PIGL: variants seen among roughly 807,000 people sequenced by gnomAD.
The protein encoded by PIGL is N-acetylglucosaminyl-phosphatidylinositol de-N-acetylase.
In PIGL, 22 loss-of-function variants were observed where a neutral mutation model predicts 31.1. The ratio of observed to expected loss-of-function variants is 0.71; its 90% CI spans 0.51 to 1.01. The LOEUF is 1.01. Among genes scored for constraint, PIGL ranks in the 50% least tolerant of loss-of-function variants. The pLI, the probability that PIGL is intolerant of heterozygous loss-of-function variation, is 0.00. For synonymous variants in PIGL, 131 were observed against 117.4 expected, an observed-to-expected ratio of 1.12 and a Z score of -0.75; for missense variants, 302 against 315.9, an observed-to-expected ratio of 0.96 and a Z score of 0.33.
At chr17:16,300,878 A>G (rs1467913585) in intron 3 of PIGL, among the ~76,000 whole-genome samples, 1 of 152,166 alleles carries the variant, frequency 6.6e-6, no homozygotes, top group Non-Finnish European at 1.5e-5. Context: ...GAGCAATAGC[A>G]GAGATTTGTA....
At chr17:16,241,564 T>A (rs2092723445) in intron 2 of PIGL, among the ~76,000 whole-genome samples, 1 of 151,458 alleles carries the variant, frequency 6.6e-6, no homozygotes, top group East Asian at 1.9e-4. Flanking sequence ...TGAAACTCTG[T>A]CTTAAAAAAA....
At chr17:16,234,528 C>T (rs2092691828) in intron 2 of PIGL, among the ~76,000 whole-genome samples, 1 of 152,174 alleles carries the variant, frequency 6.6e-6, no homozygotes, top group African/African-American at 2.4e-5. Context: ...CTTTGGGAGG[C>T]CGAGGTGGGC....
chr17:16,252,975 T>C (rs2092779012), intron 2 of PIGL, among the ~76,000 whole-genome samples: 1 of 152,158 alleles, frequency 6.6e-6, no homozygotes, highest in African/African-American at 2.4e-5. Context: ...CCCAGCACTT[T>C]GGGAGGCCGA....
intron 3 of PIGL, 26 bp from the exon 4 acceptor site, chr17:16,313,521 A>C: frequency 2.5e-6 from 4 of 1,575,270 alleles, no homozygotes; most frequent in Non-Finnish European, 3.5e-6. Context: ...GAAGGCATTC[A>C]GTGAAAACCC....
At chr17:16,231,848 CTT>C (rs1269553373) in intron 1 of PIGL, among the ~76,000 whole-genome samples, 1 of 152,084 alleles carries the variant, frequency 6.6e-6, no homozygotes, top group African/African-American at 2.4e-5. Flanking sequence ...GTCTCAAACT[CTT>C]TGGTCACATT....
At chr17:16,291,937 G>A in intron 2 of PIGL, among the ~76,000 whole-genome samples, 1 of 151,692 alleles carries the variant, frequency 6.6e-6, no homozygotes, top group Non-Finnish European at 1.5e-5. Context: ...AGACTAGCCT[G>A]GGCAACATAG....
chr17:16,304,641 G>C (rs2093019163), intron 3 of PIGL, among the ~76,000 whole-genome samples: 1 of 152,102 alleles, frequency 6.6e-6, no homozygotes, highest in Non-Finnish European at 1.5e-5. Flanking sequence ...AAAGTACAAA[G>C]CTACCATCCT....
At chr17:16,233,856 C>A in intron 1 of PIGL, 115 bp from the exon 2 acceptor site, 1 of 592,966 alleles carries the variant, frequency 1.7e-6, no homozygotes, top group South Asian at 2.2e-5. Context: ...CATAATCACA[C>A]ATTTTCAGGC....
chr17:16,241,840 T>C (rs1393299973), intron 2 of PIGL, among the ~76,000 whole-genome samples: 1 of 152,192 alleles, frequency 6.6e-6, no homozygotes, highest in African/African-American at 2.4e-5. Flanking sequence ...TTCTATGTCA[T>C]TAAATAATCA....
chr17:16,293,748 T>C (rs973071912), intron 2 of PIGL, among the ~76,000 whole-genome samples: 6 of 152,240 alleles, frequency 3.9e-5, no homozygotes, highest in African/African-American at 1.4e-4. Context: ...AGTTGTACCA[T>C]GTACCACCTA....
chr17:16,290,603 T>C (rs994694783), intron 2 of PIGL, among the ~76,000 whole-genome samples: 1 of 152,130 alleles, frequency 6.6e-6, no homozygotes, highest in Non-Finnish European at 1.5e-5. Context: ...CAGAATGGTC[T>C]TGAAGCCCTG....
chr17:16,280,563 T>C (rs373908280), intron 2 of PIGL, among the ~76,000 whole-genome samples: 1 of 152,232 alleles, frequency 6.6e-6, no homozygotes, highest in Non-Finnish European at 1.5e-5. Flanking sequence ...GCCCCACGCA[T>C]GCACAGCCTC....
At chr17:16,265,735 C>T (rs774109293) in intron 2 of PIGL, among the ~76,000 whole-genome samples, 5 of 148,814 alleles carry the variant, frequency 3.4e-5, no homozygotes, top group South Asian at 2.1e-4. Context: ...AGCGAGACTC[C>T]GTATTAAAAA....
At chr17:16,297,267 C>T (rs752019266) in intron 2 of PIGL, among the ~76,000 whole-genome samples, 5 of 152,284 alleles carry the variant, frequency 3.3e-5, no homozygotes, top group African/African-American at 1.2e-4. Context: ...GTGGAGCCAC[C>T]GAAAGAAAGG....
chr17:16,310,451 A>G (rs2093044343), intron 3 of PIGL, among the ~76,000 whole-genome samples: 1 of 152,264 alleles, frequency 6.6e-6, no homozygotes, highest in African/African-American at 2.4e-5. Context: ...TCCCTCACAG[A>G]TGAGCTCTCC....
intron 2 of PIGL, among the ~76,000 whole-genome samples, chr17:16,244,770 G>A (rs1048004464): frequency 1.1e-4 from 17 of 151,880 alleles, no homozygotes; most frequent in Non-Finnish European, 2.5e-4. Context: ...CACCTCCCGG[G>A]CTCAAGTGAC....
At chr17:16,288,420 T>A (rs1312821169) in intron 2 of PIGL, among the ~76,000 whole-genome samples, 1 of 152,230 alleles carries the variant, frequency 6.6e-6, no homozygotes, top group Non-Finnish European at 1.5e-5. Context: ...TTGGCCAGAC[T>A]GGTCTTGAAC....
Position 16,319,020 on chromosome 17 carries a change from G to A in PIGL, c.660+1112G>A, listed in dbSNP as rs1373109548. Among the ~76,000 whole-genome samples the A allele has an allele frequency of 7.9e-5, 12 of 151,172 alleles. No homozygotes were observed. In the East Asian group the frequency reaches 9.8e-4, roughly 12 times the overall value. ...TGTAATCCCAGTACTTTGGGAGGCCGGGGTGGGTGGACTGCTTGCTGGGCA... is the reference window on the plus strand; with the variant it reads ...TGTAATCCCAGTACTTTGGGAGGCCAGGGTGGGTGGACTGCTTGCTGGGCA... On this transcript the variant is annotated intron_variant, in intron 6 of 6. Transcript: ENST00000225609.
intron 2 of PIGL, among the ~76,000 whole-genome samples, chr17:16,267,796 C>T (rs2092851397): frequency 6.6e-6 from 1 of 152,104 alleles, no homozygotes; most frequent in Non-Finnish European, 1.5e-5. Context: ...CAAGTTTAGA[C>T]TCAATATCTT....
Sources: gnomAD v4.1 joint callset for allele counts (sites outside exome capture counted in the v4.1 genomes callset) on GRCh38, gnomAD v4.1.1 for gene constraint, MANE v1.5 for transcripts, NCBI Gene and HGNC (gene_info 2026-07-23, HGNC 2026-07-21) for gene names.